Variants in KATNIP observed in about 807,000 individuals in gnomAD.
The protein encoded by KATNIP is katanin interacting protein, also known as katanin-interacting protein.
KATNIP carries 126 observed loss-of-function variants against 174.0 expected under a neutral mutation model. The observed-to-expected ratio is 0.72, with a 90% confidence interval of 0.63 to 0.84. The LOEUF is 0.84. Among genes scored for constraint, KATNIP ranks in the 40% least tolerant of loss-of-function variants. The pLI is 0.00. For missense variants in KATNIP, 1,958 were observed against 2,109.7 expected, an observed-to-expected ratio of 0.93 and a Z score of 1.41; for synonymous variants, 810 against 835.7, an observed-to-expected ratio of 0.97 and a Z score of 0.53.
intron 2 of KATNIP, among the ~76,000 whole-genome samples, chr16:27,617,791 G>C (rs528376249): frequency 6.6e-6 from 1 of 152,296 alleles, no homozygotes; most frequent in South Asian, 2.1e-4. Context: ...CTGGAGTGCA[G>C]TGGCGCAGTC....
intron 2 of KATNIP, among the ~76,000 whole-genome samples, chr16:27,581,221 A>G (rs921311022): frequency 1.3e-5 from 2 of 152,228 alleles, no homozygotes; most frequent in African/African-American, 4.8e-5. Context: ...ATATCTAGTC[A>G]TTAATAGTCT....
At chr16:27,759,155 C>T (rs574152146) in intron 18 of KATNIP, among the ~76,000 whole-genome samples, 2 of 152,246 alleles carry the variant, frequency 1.3e-5, no homozygotes, top group Middle Eastern at 3.4e-3. Flanking sequence ...TTCTGGGCTC[C>T]GGGGATACAG....
chr16:27,641,137 CA>C (rs1255873987), intron 5 of KATNIP, among the ~76,000 whole-genome samples: 3,569 of 124,506 alleles, frequency 0.029, 128 homozygotes, highest in African/African-American at 0.089. Flanking sequence ...GGCTCTGTCT[CA>C]AAAAAAAAAA....
intron 6 of KATNIP, among the ~76,000 whole-genome samples, chr16:27,649,286 C>T (rs1382687568): frequency 6.6e-6 from 1 of 152,212 alleles, no homozygotes; most frequent in Non-Finnish European, 1.5e-5. Context: ...GTCGGTTTAG[C>T]AGCTTACAGG....
rs533561635 is a variant in KATNIP, at chr16:27,554,380, G to T, written c.7+4203G>T. 3.3e-5 allele frequency among the ~76,000 whole-genome samples: 5 copies of T among 152,114 alleles called. No homozygotes were observed. The South Asian group carries it at 1.0e-3, about 32-fold the overall frequency. The stretch of plus-strand genomic sequence containing the variant: ...TGGGGGAGGCTGAGGCAAGAGAATC[G>T]CTTGAACCCAGGAGGCAGAGGTTGC... On this transcript the variant is annotated intron_variant, in intron 1 of 27. Coordinates refer to ENST00000261588, the MANE Select transcript of KATNIP (RefSeq NM_015202.5).
chr16:27,721,512 A>G (rs757403972), intron 13 of KATNIP, 46 bp from the exon 14 acceptor site: 17 of 1,612,226 alleles, frequency 1.1e-5, no homozygotes, highest in Non-Finnish European at 1.4e-5. Context: ...CTTTGGGGAG[A>G]GGCAGAAATG....
In KATNIP at chr16:27,677,776, A is replaced by G. The variant is rs1359745209; in HGVS notation, c.588A>G (p.Gln196=). 6.2e-7 allele frequency: 1 copy of G among 1,614,010 alleles called. No homozygotes were observed. The change falls in exon 7 of 28, where the codon CAA becomes CAG. Residue 196 remains glutamine, a synonymous_variant. Coordinates refer to ENST00000261588, the MANE Select transcript of KATNIP (RefSeq NM_015202.5). ...TTAGTGTAAATCTACAAAGGAAACA[A>G]AAGGATTGTTCCAGCGATGAGTATG... The part of the protein sequence containing the change: ...LELSVNLQRK[Q]KDCSSDEYDS...
chr16:27,598,878 G>T (rs993424313), intron 2 of KATNIP, among the ~76,000 whole-genome samples: 35 of 152,226 alleles, frequency 2.3e-4, no homozygotes, highest in African/African-American at 8.4e-4. Flanking sequence ...GGAGCCCACA[G>T]ATCCTGGGTA....
In KATNIP at chr16:27,776,961, A is replaced by G. The variant is rs2082520936; in HGVS notation, c.4483A>G (p.Thr1495Ala). 3 of 1,613,842 alleles carry G rather than the reference A, an allele frequency of 1.9e-6. No individual in the cohort carries two copies. The highest frequency in any genetic ancestry group is 1.6e-4 in the Middle Eastern group (1 of 6,062). Residue 1495 changes from threonine (T) to alanine (A), a missense_variant, in exon 25 of 28, where the codon ACC becomes GCC. Coordinates refer to ENST00000261588, the MANE Select transcript of KATNIP (RefSeq NM_015202.5). This position sits in a 1 kb window ranked among gnomAD's most constrained non-coding sequence, Gnocchi z 4.7. ...GGTTTATGTGATTTTCGATCTGCCT[A>G]CCACCGTGTCAATGATCAAACTGTG... ...NRVYVIFDLP[T>A]TVSMIKLWNY... is the part of the protein sequence containing the mutation.
chr16:27,673,860 C>T (rs2142709660), intron 6 of KATNIP, among the ~76,000 whole-genome samples: 1 of 152,326 alleles, frequency 6.6e-6, no homozygotes, highest in South Asian at 2.1e-4. Context: ...ACCAATGTCA[C>T]CTCCAAGGTA....
Position 27,703,900 on chromosome 16 carries a change from C to T in KATNIP, c.1291C>T (p.Gln431Ter), listed in dbSNP as rs145281203. The change falls in exon 12 of 28, where the codon CAG becomes TAG. Residue 431 changes from glutamine to a stop codon, truncating the protein, a stop_gained. Transcript: ENST00000261588. LOFTEE classifies it high-confidence loss of function. ...DRIGLLGSRQ[Q>*]QKLLKVLQAV... ...TAAAACCAAATCCCATTTCAGACAACAGCAGAAGCTTCTGAAAGTCCTCCA... is the reference window on the plus strand; with the variant it reads ...TAAAACCAAATCCCATTTCAGACAATAGCAGAAGCTTCTGAAAGTCCTCCA... 3 of 1,613,700 alleles carry T rather than the reference C, an allele frequency of 1.9e-6. No individual in the cohort carries two copies. The highest frequency in any genetic ancestry group is 2.2e-5 in the East Asian group (1 of 44,888).
At chr16:27,567,750 A>G (rs918118450) in intron 1 of KATNIP, among the ~76,000 whole-genome samples, 1 of 151,756 alleles carries the variant, frequency 6.6e-6, no homozygotes, top group African/African-American at 2.4e-5. Context: ...CTAGTCTCGA[A>G]CTCTTGACCT....
intron 18 of KATNIP, among the ~76,000 whole-genome samples, chr16:27,756,352 T>C (rs1468145717): frequency 6.6e-6 from 1 of 152,210 alleles, no homozygotes; most frequent in Non-Finnish European, 1.5e-5. Flanking sequence ...GGTTGAGGCT[T>C]GGTTTCATCT....
At chr16:27,592,436 G>A (rs1379301370) in intron 2 of KATNIP, among the ~76,000 whole-genome samples, 1 of 151,462 alleles carries the variant, frequency 6.6e-6, no homozygotes, top group Non-Finnish European at 1.5e-5. Context: ...AGCATGCATG[G>A]TAAAGCCCTG....
intron 6 of KATNIP, among the ~76,000 whole-genome samples, chr16:27,653,642 A>G (rs971325763): frequency 6.7e-6 from 1 of 149,236 alleles, no homozygotes; most frequent in African/African-American, 2.5e-5. Flanking sequence ...CATCCATGCT[A>G]TTTGATTTTC....
intron 1 of KATNIP, among the ~76,000 whole-genome samples, chr16:27,566,109 C>T (rs147521698): frequency 3.1e-4 from 47 of 150,420 alleles, no homozygotes; most frequent in African/African-American, 8.8e-4. Flanking sequence ...GATAGGATTA[C>T]AGGCATGAGC....
chr16:27,659,810 G>C (rs574740357), intron 6 of KATNIP, among the ~76,000 whole-genome samples: 81 of 152,288 alleles, frequency 5.3e-4, no homozygotes, highest in African/African-American at 1.9e-3. Context: ...GCTCAGATTC[G>C]TGACTAGAAG....
chr16:27,759,773 G>A lies in KATNIP; in HGVS notation c.3632-1640G>A, dbSNP rs117436275. 3.4e-4 allele frequency among the ~76,000 whole-genome samples: 52 copies of A among 152,282 alleles called. No homozygotes were observed. The East Asian group carries it at 7.7e-3, about 23-fold the overall frequency. On this transcript the variant is annotated intron_variant, in intron 18 of 27. Transcript: ENST00000261588. ...TGTCCCAGTGTTCAAAGCAAATCAC[G>A]TGACCCAGAGTCAGGAGCAGAGAAG...
chr16:27,612,891 G>A (rs1302252962), intron 2 of KATNIP, among the ~76,000 whole-genome samples: 1 of 152,030 alleles, frequency 6.6e-6, no homozygotes, highest in Non-Finnish European at 1.5e-5. Flanking sequence ...GGGAGGATCA[G>A]TTGAGGCCAG....
Sources: allele counts gnomAD v4.1 joint callset (sites outside exome capture counted in the v4.1 genomes callset), GRCh38; gene constraint gnomAD v4.1.1; non-coding constraint Gnocchi (gnomAD v3.1); transcripts MANE v1.5; gene names NCBI Gene and HGNC (gene_info 2026-07-23, HGNC 2026-07-21).